SLC25A36: variants seen among roughly 807,000 people sequenced by gnomAD.
SLC25A36 encodes the protein epididymis secretory sperm binding protein.
Under a neutral mutation model 35.3 loss-of-function variants are expected in SLC25A36, and 24 were observed. That is an observed-to-expected ratio of 0.68 (90% CI 0.49 to 0.96). The LOEUF (loss-of-function observed/expected upper bound fraction) is 0.96. Ranked by LOEUF, SLC25A36 falls within the 40% of genes least tolerant of loss-of-function variation. The probability of loss-of-function intolerance (pLI) is 0.00; values close to 1 mark genes in which losing one functional copy is unlikely to be tolerated. For missense variants in SLC25A36, 294 were observed against 381.1 expected, an observed-to-expected ratio of 0.77 and a Z score of 1.90; for synonymous variants, 141 against 132.2, an observed-to-expected ratio of 1.07 and a Z score of -0.46.
At chr3:140,975,069 G>A (rs1422962909) in intron 6 of SLC25A36, among the ~76,000 whole-genome samples, 2 of 135,626 alleles carry the variant, frequency 1.5e-5, no homozygotes, top group Admixed American at 8.0e-5. Context: ...ATTACAGGAA[G>A]AGGTACAGTT....
At position 140,973,830 on chromosome 3, in the gene SLC25A36, G is replaced by A. The variant is rs1934968398; in HGVS notation, c.567G>A (p.Glu189=). ...GMSASYAGIS[E]TVIHFVIYES... ...CTGCTTCATATGCTGGTATATCAGA[G>A]ACTGTTATCCATTTTGTTATTTATG... is the stretch of plus-strand genomic sequence containing the variant. The change falls in exon 6 of 7, where the codon GAG becomes GAA. Residue 189 remains glutamate (E), a synonymous_variant. Transcript: ENST00000324194. 2 of 1,613,426 alleles carry A rather than the reference G, an allele frequency of 1.2e-6. No individual in the cohort carries two copies. Among genetic ancestry groups the A allele is most frequent in the Non-Finnish European group, 8.5e-7 (1 of 1,179,654 alleles).
chr3:140,966,797 A>T, intron 4 of SLC25A36: 1 of 381,022 alleles, frequency 2.6e-6, no homozygotes, highest in Non-Finnish European at 5.3e-6. Context: ...TCTTTTTTTT[A>T]ACTTAAAATT....
At chr3:140,942,839 G>A (rs965133707) in intron 1 of SLC25A36, 1 of 152,282 alleles carries the variant, frequency 6.6e-6, no homozygotes, top group Non-Finnish European at 1.5e-5. Flanking sequence ...AGGTTTTCCA[G>A]GTGGTGAATG....
chr3:140,963,657 C>A (rs1934688660), intron 4 of SLC25A36: 1 of 156,456 alleles, frequency 6.4e-6, no homozygotes, highest in Non-Finnish European at 1.4e-5. Flanking sequence ...TCATTTTGTC[C>A]TGTGCTCAAA....
intron 4 of SLC25A36, chr3:140,965,413 C>CT (rs1934735213): frequency 6.6e-6 from 1 of 151,710 alleles, no homozygotes; most frequent in African/African-American, 2.4e-5. Flanking sequence ...CTTTACTACA[C>CT]AAAACCACAC....
At chr3:140,957,838 T>G (rs1244904822) in intron 2 of SLC25A36, among the ~76,000 whole-genome samples, 1 of 152,212 alleles carries the variant, frequency 6.6e-6, no homozygotes, top group Non-Finnish European at 1.5e-5. Flanking sequence ...TACCACAGAT[T>G]GCCCCTCCTT....
intron 4 of SLC25A36, 135 bp from the exon 5 acceptor site, chr3:140,970,792 G>A (rs937011109): frequency 2.7e-5 from 13 of 489,222 alleles, no homozygotes; most frequent in Non-Finnish European, 4.4e-5. Context: ...TATGTGAAAA[G>A]TGTAATATAT....
chr3:140,975,083 A>AAACAAGAT (rs144606947), intron 6 of SLC25A36, among the ~76,000 whole-genome samples: 10,598 of 141,806 alleles, frequency 0.075, 709 homozygotes, highest in East Asian at 0.17. Context: ...TACAGTTGAT[A>AAACAAGAT]AACAAGATAC....
At position 140,980,213 on chromosome 3, in the gene SLC25A36, T is replaced by G. The variant is rs1935151173; in HGVS notation, c.*3760T>G. Among the ~76,000 whole-genome samples the G allele has an allele frequency of 6.6e-6, 1 of 151,784 alleles. No homozygotes were observed. Among genetic ancestry groups the G allele is most frequent in the South Asian group, 2.1e-4 (1 of 4,826 alleles). ...TTTATTGACTTTTATCCAACACTTTTCATGTTTTAATTTCAGCCTTTGTGA... is the reference window on the plus strand; with the variant it reads ...TTTATTGACTTTTATCCAACACTTTGCATGTTTTAATTTCAGCCTTTGTGA... On this transcript the variant is annotated 3_prime_UTR_variant, in exon 7 of 7. Transcript: ENST00000324194.
intron 2 of SLC25A36, 40 bp from the exon 3 acceptor site, chr3:140,959,423 T>C (rs1934572908): frequency 1.8e-6 from 2 of 1,091,798 alleles, no homozygotes; most frequent in South Asian, 3.3e-5. Context: ...TACCAGACTT[T>C]GAAAGATATT....
chr3:140,968,039 A>T, intron 4 of SLC25A36: 1 of 984,894 alleles, frequency 1.0e-6, no homozygotes, highest in Non-Finnish European at 1.2e-6. Context: ...TGTGTTTGTC[A>T]TATAAGTAGT....
In SLC25A36 at chr3:140,980,012, G is replaced by A. The variant is rs1935148136; in HGVS notation, c.*3559G>A. 1 of 151,988 alleles carries A rather than the reference G, an allele frequency of 6.6e-6. No individual in the cohort carries two copies. Among genetic ancestry groups the A allele is most frequent in the Admixed American group, 6.6e-5 (1 of 15,248 alleles). 9.4% of individuals were successfully genotyped at this position (151,988 alleles called of 1,614,324 possible). ...CACTTTTTTGGATTATCCTATGTGTGGAACAAAAATCCATTGCCATTTTCA... is the reference window on the plus strand; with the variant it reads ...CACTTTTTTGGATTATCCTATGTGTAGAACAAAAATCCATTGCCATTTTCA... On this transcript the variant is annotated 3_prime_UTR_variant, in exon 7 of 7. Coordinates refer to ENST00000324194, the MANE Select transcript of SLC25A36 (RefSeq NM_001104647.3).
rs568274148 is a variant in SLC25A36, at chr3:140,976,758, C to A, written c.*305C>A. The A allele has an allele frequency of 9.1e-6, 2 of 219,796 alleles. No homozygotes were observed. The highest frequency in any genetic ancestry group is 1.8e-5 in the Non-Finnish European group (2 of 111,628). 13.6% of individuals were successfully genotyped at this position (219,796 alleles called of 1,614,324 possible). ...TTGGGTTTTGTTGATTTATGGCAGT[C>A]TTCTAAACAAAGCCATCCTTAATTT... On this transcript the variant is annotated 3_prime_UTR_variant, in exon 7 of 7. Transcript: ENST00000324194.
rs1221563401 is a variant in SLC25A36, at chr3:140,942,017, G to T, written c.-38G>T. Reference sequence around the variant, plus strand: ...TGCCGTAGCGGGCGGCCAGATCCGCGTCCCGCCTCAGCGGCCGGAGGACAT... The same window carrying T: ...TGCCGTAGCGGGCGGCCAGATCCGCTTCCCGCCTCAGCGGCCGGAGGACAT... On this transcript the variant is annotated 5_prime_UTR_variant, in exon 1 of 7. Coordinates refer to ENST00000324194, the MANE Select transcript of SLC25A36 (RefSeq NM_001104647.3). 10 of 1,268,276 alleles carry T rather than the reference G, an allele frequency of 7.9e-6. No homozygotes were observed. The highest frequency in any genetic ancestry group is 2.0e-5 in the Admixed American group (1 of 48,796). 78.6% of individuals were successfully genotyped at this position (1,268,276 alleles called of 1,614,324 possible). A position where few individuals can be genotyped will look rare whatever the true frequency, so the allele number is the denominator to read the frequency against.
chr3:140,945,219 T>C (rs1934131201), intron 1 of SLC25A36, among the ~76,000 whole-genome samples: 2 of 152,192 alleles, frequency 1.3e-5, no homozygotes, highest in South Asian at 4.1e-4. Flanking sequence ...CTTATAAAGG[T>C]ACTAATCCCA....
intron 4 of SLC25A36, among the ~76,000 whole-genome samples, chr3:140,969,024 T>G (rs539612988): frequency 6.6e-6 from 1 of 151,900 alleles, no homozygotes; most frequent in Non-Finnish European, 1.5e-5. Flanking sequence ...CATAAACCCT[T>G]AATTTTGCTG....
At chr3:140,974,547 A>G (rs940427730) in intron 6 of SLC25A36, among the ~76,000 whole-genome samples, 9 of 152,198 alleles carry the variant, frequency 5.9e-5, no homozygotes, top group Non-Finnish European at 1.2e-4. Context: ...CATGTTGGCA[A>G]ATAAGTATGT....
chr3:140,965,668 A>G (rs750318376), intron 4 of SLC25A36: 8 of 151,812 alleles, frequency 5.3e-5, no homozygotes, highest in Non-Finnish European at 8.9e-5. Flanking sequence ...AGAATTTGTA[A>G]GCCTCTAAAG....
At chr3:140,942,512 G>T (rs747036771) in intron 1 of SLC25A36, 1 of 159,938 alleles carries the variant, frequency 6.3e-6, no homozygotes, top group African/African-American at 2.4e-5. Context: ...TCTAGCAGGC[G>T]TCGGGGATCC....
Sources: allele counts gnomAD v4.1 joint callset (sites outside exome capture counted in the v4.1 genomes callset), GRCh38; gene constraint gnomAD v4.1.1; transcripts MANE v1.5; gene names NCBI Gene and HGNC (gene_info 2026-07-23, HGNC 2026-07-21).